Variants in STK31 observed in about 807,000 individuals in gnomAD.
STK31 encodes serine/threonine-protein kinase 31.
STK31 carries 89 observed loss-of-function variants against 129.7 expected under a neutral mutation model. The ratio of observed to expected loss-of-function variants is 0.69; its 90% confidence interval spans 0.58 to 0.82. The LOEUF (loss-of-function observed/expected upper bound fraction) is 0.82. Among genes scored for constraint, STK31 ranks in the 40% least tolerant of loss-of-function variants. STK31 has a pLI of 0.00. For synonymous variants in STK31, 448 were observed against 395.3 expected (o/e 1.13, Z -1.58); for missense variants, 1,187 against 1,176.4 (o/e 1.01, Z -0.13).
At chr7:23,779,049 A>G (rs542319813) in intron 15 of STK31, among the ~76,000 whole-genome samples, 23 of 152,004 alleles carry the variant, frequency 1.5e-4, no homozygotes, top group African/African-American at 5.6e-4. Context: ...GTTTATGCTG[A>G]TGCTATTCCT....
chr7:23,796,702 G>T (rs1477620342), intron 22 of STK31, among the ~76,000 whole-genome samples: 1 of 152,066 alleles, frequency 6.6e-6, no homozygotes, highest in African/African-American at 2.4e-5. Context: ...TTAAACGCTG[G>T]CAACCACTGA....
intron 6 of STK31, among the ~76,000 whole-genome samples, chr7:23,730,878 A>ATATATATATATTTTTTTTT: frequency 5.0e-5 from 3 of 59,554 alleles, no homozygotes; most frequent in East Asian, 4.5e-4. Flanking sequence ...ATATATATAT[A>ATATATATATATTTTTTTTT]TTTTTTTTTT....
chr7:23,821,700 G>C (rs1230419777), intron 23 of STK31, among the ~76,000 whole-genome samples: 1 of 152,060 alleles, frequency 6.6e-6, no homozygotes, highest in African/African-American at 2.4e-5. Context: ...CTGTGCTTTT[G>C]AGGTCTTAGC....
chr7:23,773,233 C>T (rs1790319014), intron 15 of STK31, among the ~76,000 whole-genome samples: 1 of 152,050 alleles, frequency 6.6e-6, no homozygotes, highest in Non-Finnish European at 1.5e-5. Context: ...GTGATGTTCC[C>T]CTCCCTGTGT....
At chr7:23,739,199 G>A (rs1245495829) in intron 8 of STK31, among the ~76,000 whole-genome samples, 1 of 152,198 alleles carries the variant, frequency 6.6e-6, no homozygotes, top group African/African-American at 2.4e-5. Context: ...TCTCATTGTG[G>A]TTTTGATTTG....
chr7:23,772,677 T>G (rs1790277233), intron 15 of STK31, among the ~76,000 whole-genome samples: 1 of 152,146 alleles, frequency 6.6e-6, no homozygotes, highest in African/African-American at 2.4e-5. Flanking sequence ...CATGGTATCT[T>G]TTGTTAACTC....
intron 22 of STK31, among the ~76,000 whole-genome samples, chr7:23,806,058 C>G (rs1792687278): frequency 6.6e-6 from 1 of 152,166 alleles, no homozygotes; most frequent in Non-Finnish European, 1.5e-5. Flanking sequence ...GCCTTCACAT[C>G]ACATATTATT....
intron 22 of STK31, among the ~76,000 whole-genome samples, chr7:23,808,358 C>T (rs1482661224): frequency 6.6e-6 from 1 of 151,762 alleles, no homozygotes; most frequent in East Asian, 1.9e-4. Flanking sequence ...TCTTTTGACA[C>T]CGGGAGACCA....
intron 22 of STK31, among the ~76,000 whole-genome samples, chr7:23,800,746 T>TA (rs1027013058): frequency 4.0e-5 from 6 of 151,484 alleles, no homozygotes; most frequent in South Asian, 2.1e-4. Context: ...TTAAAGTATA[T>TA]AAAAAAAAGA....
At chr7:23,796,050 G>T (rs1348137387) in intron 22 of STK31, among the ~76,000 whole-genome samples, 1 of 152,220 alleles carries the variant, frequency 6.6e-6, no homozygotes, top group Admixed American at 6.5e-5. Flanking sequence ...TTTTTGAAAT[G>T]TGAAGACATG....
chr7:23,754,677 G>A (rs1375612657), intron 10 of STK31, among the ~76,000 whole-genome samples: 1 of 152,140 alleles, frequency 6.6e-6, no homozygotes, highest in African/African-American at 2.4e-5. Flanking sequence ...GAGCCCTGGT[G>A]TGTATTGTTT....
At chr7:23,791,950 CTTTA>C (rs1791647783) in intron 22 of STK31, among the ~76,000 whole-genome samples, 1 of 152,122 alleles carries the variant, frequency 6.6e-6, no homozygotes, top group Non-Finnish European at 1.5e-5. Context: ...TCCAGTAGTA[CTTTA>C]TTTATGGATA....
intron 4 of STK31, chr7:23,721,782 T>G (rs922907478): frequency 6.1e-6 from 4 of 650,664 alleles, no homozygotes; most frequent in Non-Finnish European, 1.2e-5. Flanking sequence ...TGTCCAGTTC[T>G]GCGTTAACTG....
intron 16 of STK31, among the ~76,000 whole-genome samples, chr7:23,782,346 C>T (rs1239253080): frequency 1.3e-5 from 2 of 151,564 alleles, no homozygotes; most frequent in African/African-American, 2.4e-5. Context: ...GTGTCATGTA[C>T]CTGTAGTCCC....
chr7:23,764,048 T>A (rs1789653927), intron 11 of STK31, among the ~76,000 whole-genome samples: 1 of 152,188 alleles, frequency 6.6e-6, no homozygotes, highest in Non-Finnish European at 1.5e-5. Flanking sequence ...TCCTGCTGGA[T>A]GAAGATGTAG....
intron 23 of STK31, among the ~76,000 whole-genome samples, chr7:23,824,982 T>C (rs1480630091): frequency 1.4e-4 from 21 of 152,110 alleles, no homozygotes; most frequent in Non-Finnish European, 2.1e-4. Context: ...TTTTGATGTG[T>C]TGCTGGATTC....
At chr7:23,807,862 T>A (rs1165077384) in intron 22 of STK31, among the ~76,000 whole-genome samples, 2 of 152,074 alleles carry the variant, frequency 1.3e-5, no homozygotes, top group African/African-American at 4.8e-5. Flanking sequence ...TTGATTACTG[T>A]TTTTCTGTTA....
At chr7:23,740,600 T>A (rs1240017221) in intron 8 of STK31, among the ~76,000 whole-genome samples, 2 of 152,150 alleles carry the variant, frequency 1.3e-5, no homozygotes, top group African/African-American at 4.8e-5. Flanking sequence ...ACCCATTAAC[T>A]CGTCATTTAG....
chr7:23,775,057 G>A (rs1353469984), intron 15 of STK31, among the ~76,000 whole-genome samples: 1 of 151,856 alleles, frequency 6.6e-6, no homozygotes. Flanking sequence ...TGCTTTCCCA[G>A]TTTTCCCAAT....
Sources: allele counts gnomAD v4.1 joint callset (sites outside exome capture counted in the v4.1 genomes callset), GRCh38; gene constraint gnomAD v4.1.1; transcripts MANE v1.5; gene names NCBI Gene and HGNC (gene_info 2026-07-23, HGNC 2026-07-21).